The following PLEKHG1 variants were observed in gnomAD, a reference collection of about 807,000 sequenced individuals.
The protein encoded by PLEKHG1 is pleckstrin homology and RhoGEF domain containing G1.
A neutral mutation model predicts 100.8 loss-of-function variants in PLEKHG1; 44 were observed. The ratio of observed to expected loss-of-function variants is 0.44; its 90% confidence interval spans 0.34 to 0.56. The LOEUF is 0.56. Among genes scored for constraint, PLEKHG1 ranks in the 20% least tolerant of loss-of-function variants. The pLI, the probability that PLEKHG1 is intolerant of heterozygous loss-of-function variation, is 0.01. For missense variants in PLEKHG1, 1,545 were observed against 1,720.9 expected, an observed-to-expected ratio of 0.90 and a Z score of 1.81; for synonymous variants, 640 against 662.5, an observed-to-expected ratio of 0.97 and a Z score of 0.52.
chr6:150,813,862 A>C (rs1787697260), intron 10 of PLEKHG1, among the ~76,000 whole-genome samples: 1 of 152,102 alleles, frequency 6.6e-6, no homozygotes. Flanking sequence ...ATTCACATGG[A>C]TGGTGAAACA....
intron 1 of PLEKHG1, among the ~76,000 whole-genome samples, chr6:150,606,954 A>C (rs1776627263): frequency 6.6e-6 from 1 of 152,092 alleles, no homozygotes; most frequent in African/African-American, 2.4e-5. Flanking sequence ...CCTGTCTGAC[A>C]GGGAGGGTCA....
chr6:150,608,482 T>A (rs17079961), intron 1 of PLEKHG1, among the ~76,000 whole-genome samples: 9,279 of 152,310 alleles, frequency 0.061, 340 homozygotes, highest in African/African-American at 0.1. Flanking sequence ...TACATTTCTG[T>A]ACTGGCTAAA....
rs1056299817 is a variant in PLEKHG1 at position 150,607,451 on chromosome 6, A to C, written c.-204+7434A>C. On this transcript the variant is annotated intron_variant, in intron 1 of 3. Coordinates refer to the PLEKHG1 transcript ENST00000367326. ...ACGATCCTGTGTGTTCCCTCTAACCATGTAACCTGCTATTAGTTTAAGCAT... is the reference window on the plus strand; with the variant it reads ...ACGATCCTGTGTGTTCCCTCTAACCCTGTAACCTGCTATTAGTTTAAGCAT... Among the ~76,000 whole-genome samples, 3 of 152,196 alleles carry C rather than the reference A, an allele frequency of 2.0e-5. No homozygotes were observed. In the East Asian group the frequency reaches 5.8e-4, roughly 29 times the overall value.
chr6:150,736,445 A>G (rs79369244), intron 2 of PLEKHG1, among the ~76,000 whole-genome samples: 1,845 of 152,302 alleles, frequency 0.012, 47 homozygotes, highest in African/African-American at 0.042. Flanking sequence ...CACTGCATAC[A>G]CTATGTTTTA....
intron 13 of PLEKHG1, among the ~76,000 whole-genome samples, chr6:150,821,966 C>T (rs1013737971): frequency 1.3e-5 from 2 of 150,374 alleles, no homozygotes; most frequent in South Asian, 2.1e-4. Context: ...CTCAGCCTCC[C>T]GAGTAGCTGG....
chr6:150,750,861 C>T (rs1298284142), intron 2 of PLEKHG1, among the ~76,000 whole-genome samples: 1 of 149,904 alleles, frequency 6.7e-6, no homozygotes, highest in Non-Finnish European at 1.5e-5. Flanking sequence ...AGAAAACAGA[C>T]TTTAAAATCT....
Position 150,784,958 on chromosome 6 carries a change from C to T in PLEKHG1, c.513-1432C>T, listed in dbSNP as rs145536141. 1.5e-3 allele frequency among the ~76,000 whole-genome samples: 221 copies of T among 151,670 alleles called. 1 individual carries two copies. The highest frequency in any genetic ancestry group is 5.1e-3 in the African/African-American group (212 of 41,354). ...AGGCTGGCCACGGTTGCTCACACTA[C>T]CCAGCGCTTCAGAAAGATCACTTGA... is the stretch of plus-strand genomic sequence containing the variant. On this transcript the variant is annotated intron_variant, in intron 3 of 15. Coordinates refer to ENST00000358517, the Ensembl canonical transcript of PLEKHG1.
intron 4 of PLEKHG1, among the ~76,000 whole-genome samples, chr6:150,793,350 T>C (rs1479699973): frequency 6.6e-6 from 1 of 152,056 alleles, no homozygotes; most frequent in African/African-American, 2.4e-5. Context: ...TGAAATGAAC[T>C]GTGACCACCA....
At chr6:150,651,023 A>G (rs904504599) in intron 3 of PLEKHG1, 1 of 152,218 alleles carries the variant, frequency 6.6e-6, no homozygotes, top group Admixed American at 6.5e-5. Flanking sequence ...ATACATGCAT[A>G]TCTATAATAA....
chr6:150,761,306 G>C (rs960076177), intron 2 of PLEKHG1, among the ~76,000 whole-genome samples: 1 of 150,662 alleles, frequency 6.6e-6, no homozygotes, highest in Non-Finnish European at 1.5e-5. Flanking sequence ...AGGTTTCACC[G>C]TGTCAGCCAG....
intron 3 of PLEKHG1, chr6:150,662,814 A>G (rs1779247756): frequency 6.6e-6 from 1 of 152,226 alleles, no homozygotes; most frequent in Non-Finnish European, 1.5e-5. Context: ...TTTTCCTCTG[A>G]AACGCAATGA....
intron 1 of PLEKHG1, among the ~76,000 whole-genome samples, chr6:150,622,773 G>T (rs1245607989): frequency 6.6e-6 from 1 of 152,206 alleles, no homozygotes; most frequent in Admixed American, 6.5e-5. Flanking sequence ...CACTGCAGGA[G>T]ATTGGACAAT....
chr6:150,767,208 CTTTTTT>C (rs1443974932), intron 2 of PLEKHG1, among the ~76,000 whole-genome samples: 1 of 149,562 alleles, frequency 6.7e-6, no homozygotes, highest in African/African-American at 2.6e-5. Flanking sequence ...ATTTGTTTTT[CTTTTTT>C]GGGCCTTTTT....
chr6:150,621,064 C>T (rs1777279312), intron 1 of PLEKHG1, among the ~76,000 whole-genome samples: 1 of 152,170 alleles, frequency 6.6e-6, no homozygotes, highest in Non-Finnish European at 1.5e-5. Flanking sequence ...AGTTTTCTAC[C>T]TTTAAAATGA....
intron 10 of PLEKHG1, among the ~76,000 whole-genome samples, chr6:150,812,637 G>GA (rs1430494860): frequency 3.3e-5 from 5 of 152,256 alleles, no homozygotes; most frequent in African/African-American, 4.8e-5. Flanking sequence ...ACAAAAGGAA[G>GA]AAAAAATGAT....
At chr6:150,718,805 A>C (rs943807779), upstream of PLEKHG1, among the ~76,000 whole-genome samples, 1 of 151,712 alleles carries the variant, frequency 6.6e-6, no homozygotes, top group Non-Finnish European at 1.5e-5. Flanking sequence ...TAGTATGTGA[A>C]TGTATTATCC....
intron 2 of PLEKHG1, among the ~76,000 whole-genome samples, chr6:150,750,628 A>C (rs1354278421): frequency 6.6e-6 from 1 of 151,442 alleles, no homozygotes; most frequent in Non-Finnish European, 1.5e-5. Context: ...AAAATACAAA[A>C]AAATTAGCCG....
rs1441657722 is a variant in PLEKHG1, at chr6:150,600,841, T to A, written c.-204+824T>A. ...AATTCATTCCGCTCCTCGGAAACAA[T>A]GAGCTGGATCCTTGACTTGAATGTG... On this transcript the variant is annotated intron_variant, in intron 1 of 3. Transcript: ENST00000367326. The surrounding 1 kb of genome is among the most constrained non-coding windows in gnomAD (Gnocchi z 6.2). 6.6e-6 allele frequency: 1 copy of A among 152,224 alleles called. No individual in the cohort carries two copies. The highest frequency in any genetic ancestry group is 1.5e-5 in the Non-Finnish European group (1 of 68,046). The allele number at this position is 152,224 out of a possible 1,614,324, so 9.4% of individuals were successfully genotyped here. A position where few individuals can be genotyped will look rare whatever the true frequency, so the allele number is the denominator to read the frequency against.
At chr6:150,716,639 C>T (rs1215040965), upstream of PLEKHG1, among the ~76,000 whole-genome samples, 1 of 152,180 alleles carries the variant, frequency 6.6e-6, no homozygotes, top group African/African-American at 2.4e-5. Context: ...TTCCTGCCCT[C>T]ATCCCCACCC....
Sources: gnomAD v4.1 joint callset for allele counts (sites outside exome capture counted in the v4.1 genomes callset) on GRCh38, gnomAD v4.1.1 for gene constraint, Gnocchi (gnomAD v3.1) non-coding constraint, MANE v1.5 for transcripts, NCBI Gene and HGNC (gene_info 2026-07-23, HGNC 2026-07-21) for gene names.